KIF16B: variants seen among roughly 807,000 people sequenced by gnomAD.
KIF16B encodes kinesin family member 16B.
In KIF16B, 98 loss-of-function variants were observed where a neutral mutation model predicts 156.3. The ratio of observed to expected loss-of-function variants is 0.63; its 90% CI spans 0.53 to 0.74. The LOEUF is 0.74. KIF16B is among the 30% of genes least tolerant of loss of function. KIF16B has a pLI of 0.00. For missense variants in KIF16B, 1,421 were observed against 1,606.5 expected, an observed-to-expected ratio of 0.88 and a Z score of 1.97; for synonymous variants, 564 against 583.7, an observed-to-expected ratio of 0.97 and a Z score of 0.49.
rs1600245542 is a variant in KIF16B at position 16,379,676 on chromosome 20, T to C, written c.2326A>G (p.Ile776Val). 1 of 1,614,132 alleles carries C rather than the reference T, an allele frequency of 6.2e-7. No individual in the cohort carries two copies. Among genetic ancestry groups the C allele is most frequent in the South Asian group, 1.1e-5 (1 of 91,084 alleles). ...ACCTCCCCACGCCGCAGGAGCTGGA[T>C]CATCTCCTGCTTCTCTCGGAGCTGC... The part of the protein sequence containing the change: ...EEQLREKQEM[I>V]QLLRRGEVQW... The change falls in exon 19 of 26, where the codon ATC becomes GTC. Residue 776 changes from isoleucine to valine, a missense_variant. Transcript: ENST00000354981.
rs756378625 is a variant in KIF16B, at chr20:16,504,458, T to C, written c.1090A>G (p.Ile364Val). Reference sequence around the variant, plus strand: ...AGTTTGACGTTGGCATCCTCATTAATGGTAGGCTTGTTGATGATGTTTTTG... The same window carrying C: ...AGTTTGACGTTGGCATCCTCATTAACGGTAGGCTTGTTGATGATGTTTTTG... Reference protein sequence around the residue: ...RAKNIINKPTINEDANVKLIR... With the variant: ...RAKNIINKPTVNEDANVKLIR... The change falls in exon 10 of 26, where the codon ATT (isoleucine) becomes GTT (valine). Residue 364 changes from isoleucine (I) to valine (V), a missense_variant. By Grantham distance (29) the Ile-to-Val change is conservative. Transcript: ENST00000354981. The C allele has an allele frequency of 9.3e-6, 15 of 1,614,018 alleles. No homozygotes were observed. The South Asian group carries it at 1.5e-4, about 17-fold the overall frequency.
intron 15 of KIF16B, among the ~76,000 whole-genome samples, chr20:16,409,439 G>C (rs1192268874): frequency 6.6e-6 from 1 of 152,042 alleles, no homozygotes; most frequent in Non-Finnish European, 1.5e-5. Flanking sequence ...TTATCTAGTT[G>C]TAAGAGGAAG....
At chr20:16,378,307 G>T (rs2065001563) in intron 19 of KIF16B, among the ~76,000 whole-genome samples, 1 of 151,662 alleles carries the variant, frequency 6.6e-6, no homozygotes, top group Admixed American at 6.6e-5. Flanking sequence ...TCAGAGAGGG[G>T]CAAGGAGGGA....
rs1201903235 is a variant in KIF16B, at chr20:16,379,379, A to G, written c.2623T>C (p.Leu875=). Residue 875 remains leucine (L), a synonymous_variant, in exon 19 of 26, where the codon TTG becomes CTG. Transcript: ENST00000354981. ...GTGACACTCTCATCATGTTTTTCCA[A>G]CAATCTAGATTCTTTGTCATGTTCA... The part of the protein sequence containing the change: ...KCEHDKESRL[L]EKHDESVTDV... 6 of 1,603,072 alleles carry G rather than the reference A, an allele frequency of 3.7e-6. No individual in the cohort carries two copies. The African/African-American group carries it at 4.0e-5, about 11-fold the overall frequency.
intron 23 of KIF16B, among the ~76,000 whole-genome samples, chr20:16,339,026 G>T (rs2064093924): frequency 1.3e-5 from 2 of 152,268 alleles, no homozygotes; most frequent in East Asian, 3.9e-4. Flanking sequence ...GAAGGGAAAG[G>T]CAAGTCGAAA....
At chr20:16,345,785 C>T (rs2064222187) in intron 23 of KIF16B, among the ~76,000 whole-genome samples, 1 of 152,194 alleles carries the variant, frequency 6.6e-6, no homozygotes, top group South Asian at 2.1e-4. Context: ...AAGGTGGCAG[C>T]ACTTGGAGCT....
intron 3 of KIF16B, among the ~76,000 whole-genome samples, chr20:16,519,693 A>C (rs6044056): frequency 1.3e-5 from 2 of 152,138 alleles, no homozygotes; most frequent in Non-Finnish European, 2.9e-5. Flanking sequence ...CACATTTCAA[A>C]CTGCAAGAAA....
At position 16,273,419 on chromosome 20, in the gene KIF16B, A is replaced by C; in HGVS notation, c.3796-8T>G. ...AAAGTCCCTGAGGTATTTCTGTGGAAGAGACAAGAGTTAAGAACATGGTCA... is the reference window on the plus strand; with the variant it reads ...AAAGTCCCTGAGGTATTTCTGTGGACGAGACAAGAGTTAAGAACATGGTCA... On this transcript the variant is annotated splice_region_variant and splice_polypyrimidine_tract_variant and intron_variant, in intron 25 of 25. Transcript: ENST00000354981. 1 of 1,613,932 alleles carries C rather than the reference A, an allele frequency of 6.2e-7. No homozygotes were observed.
chr20:16,446,199 A>G (rs1015989028), intron 12 of KIF16B, among the ~76,000 whole-genome samples: 1 of 152,242 alleles, frequency 6.6e-6, no homozygotes, highest in Non-Finnish European at 1.5e-5. Context: ...CAAGAAAGCT[A>G]AAAGTTCACT....
intron 25 of KIF16B, among the ~76,000 whole-genome samples, chr20:16,309,011 T>C (rs573268852): frequency 6.6e-6 from 1 of 152,338 alleles, no homozygotes; most frequent in East Asian, 1.9e-4. Context: ...CAGAAGCCTC[T>C]GACTGACTGA....
intron 24 of KIF16B, among the ~76,000 whole-genome samples, chr20:16,319,094 C>A (rs1051903022): frequency 6.6e-6 from 1 of 152,064 alleles, no homozygotes; most frequent in Non-Finnish European, 1.5e-5. Flanking sequence ...GAAAACAAGG[C>A]AAGTATAAGA....
At chr20:16,514,235 G>A (rs947775602) in intron 4 of KIF16B, among the ~76,000 whole-genome samples, 7 of 152,050 alleles carry the variant, frequency 4.6e-5, no homozygotes, top group Admixed American at 4.6e-4. Flanking sequence ...AGGAAAGGAG[G>A]AAGTGAGAAG....
chr20:16,472,134 A>G (rs1314452584), intron 12 of KIF16B, among the ~76,000 whole-genome samples: 1 of 152,206 alleles, frequency 6.6e-6, no homozygotes, highest in East Asian at 1.9e-4. Flanking sequence ...TTTTGTAAAT[A>G]AAGGTTTCTT....
intron 25 of KIF16B, among the ~76,000 whole-genome samples, chr20:16,278,807 C>T (rs1423645178): frequency 6.6e-6 from 1 of 152,198 alleles, no homozygotes; most frequent in African/African-American, 2.4e-5. Flanking sequence ...ACAGCACCCG[C>T]CATCCCCTGC....
intron 3 of KIF16B, among the ~76,000 whole-genome samples, chr20:16,525,782 T>C (rs720594): frequency 0.24 from 36,220 of 152,136 alleles, 4,937 homozygotes; most frequent in East Asian, 0.34. Context: ...TACACATGTC[T>C]CCCCAGAAAT....
At chr20:16,558,837 G>T (rs1226492319) in intron 1 of KIF16B, among the ~76,000 whole-genome samples, 4 of 138,968 alleles carry the variant, frequency 2.9e-5, no homozygotes, top group Non-Finnish European at 6.0e-5. Flanking sequence ...CTGAGAGGCA[G>T]AGGCTGCAGT....
At position 16,408,874 on chromosome 20, in the gene KIF16B, G is replaced by A. The variant is rs140389776; in HGVS notation, c.1613-2418C>T. ...TAAGCACCTGTACTCAACAAATCTC[G>A]TGAATTTAAAAATTTGCTTCATTTT... is the stretch of plus-strand genomic sequence containing the variant. On this transcript the variant is annotated intron_variant, in intron 15 of 25. Transcript: ENST00000354981. 7.6e-3 allele frequency among the ~76,000 whole-genome samples: 1,155 copies of A among 152,150 alleles called. 9 individuals carry two copies. Among genetic ancestry groups the A allele is most frequent in the Non-Finnish European group, 0.013 (875 of 67,994 alleles).
chr20:16,444,858 T>C (rs565571972), intron 12 of KIF16B, among the ~76,000 whole-genome samples: 25 of 152,328 alleles, frequency 1.6e-4, no homozygotes, highest in South Asian at 6.2e-4. Context: ...ACATTCATGA[T>C]TGATTCTCAT....
chr20:16,335,979 G>A lies in KIF16B; in HGVS notation c.3658C>T (p.Arg1220Cys), dbSNP rs757038722. ...VLDETWTVFR[R>C]YSRFREMHKT... ...TGCATTTCTCGAAAACGACTGTAAC[G>A]CCTGAATACAGTCCATGTCTCATCT... The change falls in exon 24 of 26, where the codon CGT becomes TGT. Residue 1220 changes from arginine to cysteine, a missense_variant. By Grantham distance (180) the Arg-to-Cys change is radical. Coordinates refer to ENST00000354981, the MANE Select transcript of KIF16B (RefSeq NM_024704.5). 1.6e-5 allele frequency: 26 copies of A among 1,608,340 alleles called. No homozygotes were observed. Among genetic ancestry groups the A allele is most frequent in the South Asian group, 7.7e-5 (7 of 90,680 alleles).
Sources: gnomAD v4.1 joint callset for allele counts (sites outside exome capture counted in the v4.1 genomes callset) on GRCh38, gnomAD v4.1.1 for gene constraint, MANE v1.5 for transcripts, NCBI Gene and HGNC (gene_info 2026-07-23, HGNC 2026-07-21) for gene names.